SLC30A7: variants seen among roughly 807,000 people sequenced by gnomAD.
SLC30A7 encodes the protein solute carrier family 30 member 7, also known as zinc transporter 7.
In SLC30A7, 35 loss-of-function variants were observed where a neutral mutation model predicts 46.0. The observed-to-expected ratio is 0.76, with a 90% CI of 0.58 to 1.01. SLC30A7 has a LOEUF of 1.01. Ranked by LOEUF, SLC30A7 falls within the 50% of genes least tolerant of loss-of-function variation. SLC30A7 has a pLI of 0.00. For synonymous variants in SLC30A7, 147 were observed against 157.8 expected (o/e 0.93, Z 0.51); for missense variants, 464 against 451.1 (o/e 1.03, Z -0.26).
intron 6 of SLC30A7, 27 bp downstream of exon 6, chr1:100,913,833 C>G (rs1221036923): frequency 1.9e-6 from 3 of 1,584,318 alleles, no homozygotes; most frequent in Non-Finnish European, 2.6e-6. Context: ...GACAAATGGA[C>G]AGCCTCCAAA....
At position 100,976,654 on chromosome 1, in the gene SLC30A7, A is replaced by T. The variant is rs1656532572; in HGVS notation, c.*1797A>T. The T allele has an allele frequency of 6.6e-6, 1 of 152,532 alleles. No homozygotes were observed. Among genetic ancestry groups the T allele is most frequent in the African/African-American group, 2.4e-5 (1 of 41,448 alleles). The allele number at this position is 152,532 out of a possible 1,614,324, so 9.4% of individuals were successfully genotyped here. On this transcript the variant is annotated 3_prime_UTR_variant, in exon 11 of 11. Transcript: ENST00000357650. ...TGCAGGATGGAAACAATTATTAAGA[A>T]TGTAGATCAATAAGTACTTTTTAGT... is the stretch of plus-strand genomic sequence containing the variant.
Position 100,929,106 on chromosome 1 carries a change from G to A in SLC30A7, c.842+7265G>A, listed in dbSNP as rs1653508324. Reference sequence around the variant, plus strand: ...CTATATATAGAGAGTGTGTGTGTGTGTGTGTGTGCGTGCCTGTACACACCA... The same window carrying A: ...CTATATATAGAGAGTGTGTGTGTGTATGTGTGTGCGTGCCTGTACACACCA... On this transcript the variant is annotated intron_variant, in intron 8 of 10. Transcript: ENST00000357650. 3.3e-5 allele frequency among the ~76,000 whole-genome samples: 5 copies of A among 151,894 alleles called. No individual in the cohort carries two copies. In the South Asian group the frequency reaches 1.0e-3, roughly 32 times the overall value.
chr1:100,921,668 A>G (rs747569743), intron 7 of SLC30A7, 38 bp from the exon 8 acceptor site: 1 of 1,551,010 alleles, frequency 6.4e-7, no homozygotes, highest in East Asian at 2.3e-5. Flanking sequence ...TAAATTAACC[A>G]AAAGACTGTT....
the SLC30A7 span, among the ~76,000 whole-genome samples, chr1:100,993,260 T>C: frequency 1.3e-5 from 2 of 151,952 alleles, no homozygotes; most frequent in African/African-American, 4.8e-5. Flanking sequence ...AACAAAAATA[T>C]AGCCATTGCA....
At chr1:100,992,590 G>T in the SLC30A7 span, 1 of 1,355,322 alleles carries the variant, frequency 7.4e-7, no homozygotes, top group Non-Finnish European at 1.1e-6. Flanking sequence ...ACATCTAAAT[G>T]TAGTAACAGA....
intron 3 of SLC30A7, among the ~76,000 whole-genome samples, chr1:100,907,541 A>G (rs113665992): frequency 0.016 from 2,449 of 152,166 alleles, 64 homozygotes; most frequent in African/African-American, 0.056. Context: ...ACACTGCCTG[A>G]GTGTTTCCTT....
rs116411586 is a variant in SLC30A7 at position 100,947,891 on chromosome 1, C to T, written c.843-13937C>T. ...CAATCCCTGCTCTTTTTTTGCTTGC[C>T]GTTTGCTTGGTAGATCTTCCTCCAT... On this transcript the variant is annotated intron_variant, in intron 8 of 10. Coordinates refer to ENST00000357650, the MANE Select transcript of SLC30A7 (RefSeq NM_133496.5). Among the ~76,000 whole-genome samples, 596 of 151,816 alleles carry T rather than the reference C, an allele frequency of 3.9e-3. 1 individual carries two copies. Among genetic ancestry groups the T allele is most frequent in the African/African-American group, 0.013 (554 of 41,438 alleles).
downstream of SLC30A7, among the ~76,000 whole-genome samples, chr1:100,983,478 G>A (rs1657097873): frequency 6.6e-6 from 1 of 151,598 alleles, no homozygotes; most frequent in African/African-American, 2.4e-5. Context: ...AAATTTATCT[G>A]CTAATGTTGA....
At chr1:100,904,327 G>A (rs1570503123) in intron 2 of SLC30A7, among the ~76,000 whole-genome samples, 1 of 152,032 alleles carries the variant, frequency 6.6e-6, no homozygotes, top group South Asian at 2.1e-4. Context: ...ATTCTTTATC[G>A]CTGATAACTT....
chr1:100,949,664 C>G (rs1216637929), intron 8 of SLC30A7, among the ~76,000 whole-genome samples: 1 of 152,132 alleles, frequency 6.6e-6, no homozygotes, highest in Non-Finnish European at 1.5e-5. Context: ...TGCGGTGGGC[C>G]CCTCCCAGTT....
rs1653392391 is a variant in SLC30A7, at chr1:100,927,613, C to T, written c.842+5772C>T. 3.3e-5 allele frequency among the ~76,000 whole-genome samples: 5 copies of T among 152,182 alleles called. No homozygotes were observed. In the South Asian group the frequency reaches 1.0e-3, roughly 32 times the overall value. On this transcript the variant is annotated intron_variant, in intron 8 of 10. Transcript: ENST00000357650. Reference sequence around the variant, plus strand: ...TGTGGTCATGAATTTAAAGTGCAAACAACCAGAATAGTTGTGTTTTTCTTC... The same window carrying T: ...TGTGGTCATGAATTTAAAGTGCAAATAACCAGAATAGTTGTGTTTTTCTTC...
chr1:100,976,450 T>C lies in SLC30A7; in HGVS notation c.*1593T>C, dbSNP rs1337391867. 1 of 152,252 alleles carries C rather than the reference T, an allele frequency of 6.6e-6. No homozygotes were observed. The highest frequency in any genetic ancestry group is 2.4e-5 in the African/African-American group (1 of 41,474). 9.4% of individuals were successfully genotyped at this position (152,252 alleles called of 1,614,324 possible). A position where few individuals can be genotyped will look rare whatever the true frequency, so the allele number is the denominator to read the frequency against. On this transcript the variant is annotated 3_prime_UTR_variant, in exon 11 of 11. Coordinates refer to ENST00000357650, the MANE Select transcript of SLC30A7 (RefSeq NM_133496.5). ...TAGGAAGTAAGTGCTGAGTTGATTTTCTAGGTTCTTACGTATTTGAAAAAT... is the reference window on the plus strand; with the variant it reads ...TAGGAAGTAAGTGCTGAGTTGATTTCCTAGGTTCTTACGTATTTGAAAAAT...
chr1:100,900,152 G>A (rs906042287), intron 2 of SLC30A7, among the ~76,000 whole-genome samples: 1 of 152,078 alleles, frequency 6.6e-6, no homozygotes, highest in African/African-American at 2.4e-5. Flanking sequence ...CATCACACTG[G>A]TTTTTTCTAG....
chr1:100,915,204 T>TC (rs1652433305), intron 6 of SLC30A7, among the ~76,000 whole-genome samples: 2 of 87,662 alleles, frequency 2.3e-5, no homozygotes, highest in African/African-American at 9.4e-5. Context: ...TTTCTTTCTT[T>TC]CTTTCTTTCT....
intron 2 of SLC30A7, among the ~76,000 whole-genome samples, chr1:100,900,002 T>C (rs575073633): frequency 2.0e-5 from 3 of 149,842 alleles, no homozygotes; most frequent in African/African-American, 4.9e-5. Context: ...GTTTTGGAAG[T>C]GGGACTTGAG....
chr1:100,991,788 C>CAAAAAAAAAAAAAAAA, the SLC30A7 span, among the ~76,000 whole-genome samples: 11 of 101,026 alleles, frequency 1.1e-4, no homozygotes, highest in Middle Eastern at 5.8e-3. Context: ...GACCCCATCT[C>CAAAAAAAAAAAAAAAA]AAAAAAAAAA....
chr1:100,974,036 G>A (rs1656314104), intron 10 of SLC30A7, among the ~76,000 whole-genome samples: 1 of 152,168 alleles, frequency 6.6e-6, no homozygotes. Flanking sequence ...CTGTAAAGAA[G>A]AGCGGAGATG....
Position 100,921,733 on chromosome 1 carries a change from C to T in SLC30A7, c.734C>T (p.Thr245Ile), listed in dbSNP as rs773978488. 3.1e-6 allele frequency: 5 copies of T among 1,611,822 alleles called. No individual in the cohort carries two copies. In the East Asian group the frequency reaches 6.7e-5, roughly 22 times the overall value. Reference protein sequence around the residue: ...QGVFLHILADTLGSIGVIASA... With the variant: ...QGVFLHILADILGSIGVIASA... ...GTATTTTTACATATCCTAGCAGATA[C>T]ACTTGGAAGTATTGGTGTAATTGCT... The change falls in exon 8 of 11, where the codon ACA becomes ATA. Residue 245 changes from threonine (T) to isoleucine (I), a missense_variant. Coordinates refer to ENST00000357650, the MANE Select transcript of SLC30A7 (RefSeq NM_133496.5).
the SLC30A7 span, among the ~76,000 whole-genome samples, chr1:100,991,205 G>A: frequency 6.6e-6 from 1 of 152,100 alleles, no homozygotes; most frequent in Non-Finnish European, 1.5e-5. Context: ...CAAATAATGA[G>A]CATTTGGCAC....
Sources: allele counts gnomAD v4.1 joint callset (sites outside exome capture counted in the v4.1 genomes callset), GRCh38; gene constraint gnomAD v4.1.1; transcripts MANE v1.5; gene names NCBI Gene and HGNC (gene_info 2026-07-23, HGNC 2026-07-21).